CACNA2D2: variants seen among roughly 807,000 people sequenced by gnomAD.
The protein encoded by CACNA2D2 is calcium voltage-gated channel auxiliary subunit alpha2delta 2, also known as voltage-dependent calcium channel subunit alpha-2/delta-2.
In CACNA2D2, 48 loss-of-function variants were observed where a neutral mutation model predicts 166.4. That is an observed-to-expected ratio of 0.29 (90% CI 0.23 to 0.37). CACNA2D2 has a LOEUF of 0.37. CACNA2D2 is among the 10% of genes least tolerant of loss of function. CACNA2D2 has a pLI of 1.00. For synonymous variants in CACNA2D2, 561 were observed against 573.7 expected (o/e 0.98, Z 0.32); for missense variants, 1,122 against 1,433.0 (o/e 0.78, Z 3.50).
At chr3:50,411,411 T>A (rs1028894612) in intron 3 of CACNA2D2, among the ~76,000 whole-genome samples, 1 of 151,986 alleles carries the variant, frequency 6.6e-6, no homozygotes, top group Admixed American at 6.6e-5. Context: ...CCCACCAGAG[T>A]GGAGGGGAGG....
At chr3:50,487,157 C>G (rs959645285) in intron 1 of CACNA2D2, among the ~76,000 whole-genome samples, 1 of 151,916 alleles carries the variant, frequency 6.6e-6, no homozygotes, top group Admixed American at 6.6e-5. Flanking sequence ...CAGCCATGGC[C>G]CTGTCCCCTA....
intron 3 of CACNA2D2, among the ~76,000 whole-genome samples, chr3:50,430,509 G>A (rs1307592704): frequency 6.6e-6 from 1 of 152,218 alleles, no homozygotes; most frequent in Non-Finnish European, 1.5e-5. Context: ...AGAAACTAAG[G>A]CCTGGGACAG....
At chr3:50,483,504 G>C (rs1698146365) in intron 1 of CACNA2D2, among the ~76,000 whole-genome samples, 1 of 152,156 alleles carries the variant, frequency 6.6e-6, no homozygotes, top group Admixed American at 6.5e-5. Context: ...TGCTCTGCTG[G>C]GAGGCAGCAG....
At chr3:50,493,270 C>T (rs1350670773) in intron 1 of CACNA2D2, among the ~76,000 whole-genome samples, 3 of 152,180 alleles carry the variant, frequency 2.0e-5, no homozygotes, top group Non-Finnish European at 4.4e-5. Context: ...CCTGATTAGC[C>T]GGAACCAATC....
In CACNA2D2 at chr3:50,368,499, G is replaced by A. The variant is rs188882594; in HGVS notation, c.2046-264C>T. ...TGGGCATGGCTCCGCAGAGCCTCCCGTCTCTCCGGTGTAGCTGGACCCAGA... is the reference window on the plus strand; with the variant it reads ...TGGGCATGGCTCCGCAGAGCCTCCCATCTCTCCGGTGTAGCTGGACCCAGA... On this transcript the variant is annotated intron_variant, in intron 23 of 37. Transcript: ENST00000424201. Among the ~76,000 whole-genome samples the A allele has an allele frequency of 9.2e-5, 14 of 152,286 alleles. No homozygotes were observed. In the East Asian group the frequency reaches 1.9e-3, roughly 21 times the overall value.
At chr3:50,393,971 T>C in intron 4 of CACNA2D2, 138 bp downstream of exon 4, 1 of 710,814 alleles carries the variant, frequency 1.4e-6, no homozygotes, top group Non-Finnish European at 2.5e-6. Context: ...TTGCTGAATG[T>C]TGGACACCGG....
In CACNA2D2 at chr3:50,375,419, TGAG is replaced by T. The variant is rs1704918430; in HGVS notation, c.1907+222_1907+224del. ...GCATGCCAAGGGCAGTATCCTGGGA[TGAG>T]GAGACTTTGGATGACTGTGCTGTGC... On this transcript the variant is annotated intron_variant, in intron 21 of 37. Coordinates refer to ENST00000424201, the MANE Select transcript of CACNA2D2 (RefSeq NM_006030.4). This position sits in a 1 kb window ranked among gnomAD's most constrained non-coding sequence, Gnocchi z 4.0. 6.6e-6 allele frequency among the ~76,000 whole-genome samples: 1 copy of T among 152,190 alleles called. No homozygotes were observed. The highest frequency in any genetic ancestry group is 6.5e-5 in the Admixed American group (1 of 15,288).
chr3:50,475,189 C>T (rs1255721014), intron 2 of CACNA2D2, among the ~76,000 whole-genome samples: 2 of 152,140 alleles, frequency 1.3e-5, no homozygotes, highest in South Asian at 2.1e-4. Flanking sequence ...CCTGCCCCAC[C>T]GAGGTTACAT....
rs569339665 is a variant in CACNA2D2 at position 50,427,950 on chromosome 3, T to C, written c.405+6363A>G. On this transcript the variant is annotated intron_variant, in intron 3 of 37. Coordinates refer to ENST00000424201, the MANE Select transcript of CACNA2D2 (RefSeq NM_006030.4). The surrounding 1 kb of genome is among the most constrained non-coding windows in gnomAD (Gnocchi z 4.7). ...CCTCAGTGCCAAACTTTCCCCAACA[T>C]CTTGCTGCCTCCTCCAGGCAGCCTT... 5.3e-5 allele frequency among the ~76,000 whole-genome samples: 8 copies of C among 152,212 alleles called. No individual in the cohort carries two copies. The highest frequency in any genetic ancestry group is 1.9e-4 in the African/African-American group (8 of 41,518).
chr3:50,381,966 G>A (rs1297421134), intron 6 of CACNA2D2, among the ~76,000 whole-genome samples: 6 of 135,054 alleles, frequency 4.4e-5, no homozygotes, highest in Non-Finnish European at 9.5e-5. Context: ...GTGATCCCCT[G>A]TCCAGATCTA....
At position 50,379,058 on chromosome 3, in the gene CACNA2D2, G is replaced by A; in HGVS notation, c.1260+34C>T. 1 of 1,613,310 alleles carries A rather than the reference G, an allele frequency of 6.2e-7. No homozygotes were observed. Among genetic ancestry groups the A allele is most frequent in the East Asian group, 2.2e-5 (1 of 44,880 alleles). On this transcript the variant is annotated intron_variant, in intron 12 of 37. Coordinates refer to ENST00000424201, the MANE Select transcript of CACNA2D2 (RefSeq NM_006030.4). This position sits in a 1 kb window ranked among gnomAD's most constrained non-coding sequence, Gnocchi z 6.5. ...ACAGCCCTCTTCTGTACTGGGCCCA[G>A]GTCAGGGTAGCCCCTGCCTCGGTTG...
At chr3:50,433,837 G>A (rs913942382) in intron 3 of CACNA2D2, among the ~76,000 whole-genome samples, 2 of 152,204 alleles carry the variant, frequency 1.3e-5, no homozygotes. Flanking sequence ...GCCATGGGCA[G>A]AGCAGCCCCC....
chr3:50,368,036 G>A, intron 24 of CACNA2D2, 102 bp downstream of exon 24: 1 of 1,176,298 alleles, frequency 8.5e-7, no homozygotes, highest in South Asian at 1.2e-5. Flanking sequence ...CCCTTAGCTT[G>A]TGCCTGCTTA....
intron 22 of CACNA2D2, among the ~76,000 whole-genome samples, chr3:50,373,326 G>A (rs1054430111): frequency 6.6e-6 from 1 of 150,728 alleles, no homozygotes; most frequent in African/African-American, 2.4e-5. Flanking sequence ...CCAGGCAGGT[G>A]GGGGGCGCCC....
intron 22 of CACNA2D2, among the ~76,000 whole-genome samples, chr3:50,370,910 G>A (rs1169787689): frequency 6.6e-6 from 1 of 152,066 alleles, no homozygotes; most frequent in Non-Finnish European, 1.5e-5. Context: ...CGTTTTGGTA[G>A]GTCTTGCTTT....
Position 50,379,899 on chromosome 3 carries a change from T to G in CACNA2D2, c.893+69A>C, listed in dbSNP as rs989158969. The G allele has an allele frequency of 6.2e-7, 1 of 1,610,322 alleles. No individual in the cohort carries two copies. Among genetic ancestry groups the G allele is most frequent in the Non-Finnish European group, 8.5e-7 (1 of 1,176,892 alleles). On this transcript the variant is annotated intron_variant, in intron 9 of 37. Coordinates refer to ENST00000424201, the MANE Select transcript of CACNA2D2 (RefSeq NM_006030.4). The surrounding 1 kb of genome is among the most constrained non-coding windows in gnomAD (Gnocchi z 6.5). ...TTCTCCTGCCCATCCCCCAAGATGT[T>G]CAGGGCAGCAGAGTCTAGCCCATTG...
chr3:50,403,010 G>T (rs1385933532), intron 3 of CACNA2D2, among the ~76,000 whole-genome samples: 1 of 152,084 alleles, frequency 6.6e-6, no homozygotes, highest in Non-Finnish European at 1.5e-5. Context: ...TGGGCACGGG[G>T]GTGGTCGTTG....
intron 4 of CACNA2D2, 31 bp from the exon 5 acceptor site, chr3:50,387,643 C>A: frequency 6.3e-7 from 1 of 1,583,078 alleles, no homozygotes; most frequent in Non-Finnish European, 8.7e-7. Flanking sequence ...TCAGCACTAG[C>A]TGCTCAGGGT....
At chr3:50,496,461 C>A (rs1181842425) in intron 1 of CACNA2D2, among the ~76,000 whole-genome samples, 1 of 152,236 alleles carries the variant, frequency 6.6e-6, no homozygotes, top group East Asian at 1.9e-4. Flanking sequence ...TGCACACAGG[C>A]AAAGGCAAGA....
Sources: allele counts gnomAD v4.1 joint callset (sites outside exome capture counted in the v4.1 genomes callset), GRCh38; gene constraint gnomAD v4.1.1; non-coding constraint Gnocchi (gnomAD v3.1); transcripts MANE v1.5; gene names NCBI Gene and HGNC (gene_info 2026-07-23, HGNC 2026-07-21).